RUNX1: variants seen among roughly 807,000 people sequenced by gnomAD.
The protein encoded by RUNX1 is RUNX family transcription factor 1.
Under a neutral mutation model 42.8 loss-of-function variants are expected in RUNX1, and 19 were observed. The ratio of observed to expected loss-of-function variants is 0.44; its 90% confidence interval spans 0.31 to 0.65. RUNX1 has a LOEUF of 0.65. Ranked by LOEUF, RUNX1 falls within the 30% of genes least tolerant of loss-of-function variation. The pLI is 0.07. For missense variants in RUNX1, 528 were observed against 672.0 expected (o/e 0.79, Z 2.37); for synonymous variants, 271 against 289.4 (o/e 0.94, Z 0.64).
chr21:34,891,029 A>G lies in RUNX1; in HGVS notation c.97+1896T>C, dbSNP rs551187824. 2.9e-3 allele frequency among the ~76,000 whole-genome samples: 437 copies of G among 152,124 alleles called. 4 individuals carry two copies. Among genetic ancestry groups the G allele is most frequent in the African/African-American group, 9.8e-3 (408 of 41,488 alleles). ...GGCTTTTGACTCCAGGGGAAATAGC[A>G]GACTCGGGTGATTTGCCCCTCGGAA... is the stretch of plus-strand genomic sequence containing the variant. On this transcript the variant is annotated intron_variant, in intron 3 of 8. Transcript: ENST00000675419.
intron 2 of RUNX1, among the ~76,000 whole-genome samples, chr21:34,912,919 T>A (rs778713250): frequency 7.9e-5 from 12 of 152,170 alleles, no homozygotes; most frequent in Non-Finnish European, 1.3e-4. Flanking sequence ...TCTAGTTTAA[T>A]CTAGAAGCAG....
intron 2 of RUNX1, among the ~76,000 whole-genome samples, chr21:34,926,311 C>T (rs1252319386): frequency 2.7e-5 from 4 of 150,720 alleles, no homozygotes; most frequent in Non-Finnish European, 5.9e-5. Flanking sequence ...CCCATCTCTA[C>T]AAAAAAATAC....
chr21:34,817,325 G>A (rs1014843973), intron 7 of RUNX1, among the ~76,000 whole-genome samples: 1 of 152,230 alleles, frequency 6.6e-6, no homozygotes, highest in Non-Finnish European at 1.5e-5. Flanking sequence ...ATACAAGGGT[G>A]GCTGAGCTAC....
At chr21:34,889,034 A>C (rs1445767556) in intron 3 of RUNX1, among the ~76,000 whole-genome samples, 2 of 151,176 alleles carry the variant, frequency 1.3e-5, no homozygotes, top group South Asian at 2.1e-4. Flanking sequence ...GGAGACCTGG[A>C]AAAAGAAAGC....
chr21:34,791,993 T>C lies in RUNX1; in HGVS notation c.*142A>G, dbSNP rs2145870503. ...GCGGGCCTGACCTACAGCGAGATCC[T>C]GGCCGTCGGGCGCCCTCGGCCCCAG... On this transcript the variant is annotated 3_prime_UTR_variant, in exon 9 of 9. Coordinates refer to ENST00000675419, the MANE Select transcript of RUNX1 (RefSeq NM_001754.5). 6.2e-6 allele frequency: 3 copies of C among 486,534 alleles called. No homozygotes were observed. The highest frequency in any genetic ancestry group is 2.3e-5 in the South Asian group (1 of 43,938). 30.1% of individuals were successfully genotyped at this position (486,534 alleles called of 1,614,324 possible). A position where few individuals can be genotyped will look rare whatever the true frequency, so the allele number is the denominator to read the frequency against.
intron 2 of RUNX1, among the ~76,000 whole-genome samples, chr21:34,946,774 G>A (rs1369657645): frequency 1.3e-5 from 2 of 152,062 alleles, no homozygotes; most frequent in Non-Finnish European, 2.9e-5. Context: ...AGTGAGTTTG[G>A]GCTGTGACAT....
At chr21:35,015,852 CTAGT>C (rs1194331574) in intron 2 of RUNX1, among the ~76,000 whole-genome samples, 4 of 152,190 alleles carry the variant, frequency 2.6e-5, no homozygotes, top group African/African-American at 9.7e-5. Flanking sequence ...AGGTCAAGAG[CTAGT>C]TAATGACAGG....
chr21:34,988,239 C>T (rs565757100), intron 2 of RUNX1, among the ~76,000 whole-genome samples: 5 of 152,282 alleles, frequency 3.3e-5, no homozygotes, highest in South Asian at 2.1e-4. Context: ...GGGGTCAGTA[C>T]GGTCCTTCTT....
At chr21:34,879,697 C>A (rs2057866496) in intron 5 of RUNX1, among the ~76,000 whole-genome samples, 1 of 152,042 alleles carries the variant, frequency 6.6e-6, no homozygotes, top group South Asian at 2.1e-4. Context: ...AACTATCTTA[C>A]CTCCCTCAAC....
chr21:34,965,939 C>T (rs2058715338), intron 2 of RUNX1, among the ~76,000 whole-genome samples: 1 of 152,228 alleles, frequency 6.6e-6, no homozygotes, highest in Non-Finnish European at 1.5e-5. Flanking sequence ...AGCATCCTCA[C>T]TGCTGCATGC....
chr21:35,013,199 T>TA (rs1435035441), intron 2 of RUNX1, among the ~76,000 whole-genome samples: 5 of 152,364 alleles, frequency 3.3e-5, no homozygotes, highest in African/African-American at 1.2e-4. Context: ...TTGGTACCTG[T>TA]AAGTAAATAA....
At chr21:34,976,128 C>CAA (rs34633513) in intron 2 of RUNX1, among the ~76,000 whole-genome samples, 1 of 119,510 alleles carries the variant, frequency 8.4e-6, no homozygotes, top group African/African-American at 3.2e-5. Context: ...TTGGTCTTTC[C>CAA]AAAAAAAAAA....
intron 2 of RUNX1, among the ~76,000 whole-genome samples, chr21:34,978,743 A>T (rs1440709547): frequency 6.6e-6 from 1 of 152,186 alleles, no homozygotes; most frequent in East Asian, 1.9e-4. Flanking sequence ...TAATTGAAGG[A>T]TAGTCTGCTG....
At chr21:34,878,841 G>A (rs8130470) in intron 5 of RUNX1, among the ~76,000 whole-genome samples, 1,939 of 152,208 alleles carry the variant, frequency 0.013, 44 homozygotes, top group African/African-American at 0.044. Context: ...GTGCATTGCC[G>A]GAAAGCCACT....
At chr21:34,995,223 CT>C (rs2058984915) in intron 2 of RUNX1, among the ~76,000 whole-genome samples, 1 of 152,204 alleles carries the variant, frequency 6.6e-6, no homozygotes, top group African/African-American at 2.4e-5. Context: ...AGACTCCACC[CT>C]TCCCAGCAGA....
chr21:34,800,672 A>C (rs549410824), intron 7 of RUNX1, among the ~76,000 whole-genome samples: 5 of 152,286 alleles, frequency 3.3e-5, no homozygotes, highest in Admixed American at 3.3e-4. Context: ...CTTTCTGTTT[A>C]TCTCTTTGAA....
chr21:34,863,857 C>T (rs187280620), intron 5 of RUNX1, among the ~76,000 whole-genome samples: 268 of 152,068 alleles, frequency 1.8e-3, no homozygotes, highest in Admixed American at 2.7e-3. Context: ...ACATTTCCAC[C>T]GAGCACACAC....
At chr21:34,914,312 A>T (rs1051393382) in intron 2 of RUNX1, among the ~76,000 whole-genome samples, 2 of 152,208 alleles carry the variant, frequency 1.3e-5, no homozygotes, top group African/African-American at 4.8e-5. Flanking sequence ...TAAGACCAAG[A>T]TTAGTTAAGT....
At chr21:34,997,202 AATC>A (rs1303190257) in intron 2 of RUNX1, among the ~76,000 whole-genome samples, 1 of 152,266 alleles carries the variant, frequency 6.6e-6, no homozygotes, top group Non-Finnish European at 1.5e-5. Flanking sequence ...ACTGAAATAA[AATC>A]ATGATTTAAA....
Sources: allele counts gnomAD v4.1 joint callset (sites outside exome capture counted in the v4.1 genomes callset), GRCh38; gene constraint gnomAD v4.1.1; transcripts MANE v1.5; gene names NCBI Gene and HGNC (gene_info 2026-07-23, HGNC 2026-07-21).